The following CLCNKA variants were observed in gnomAD, a reference collection of about 807,000 sequenced individuals.
CLCNKA encodes the protein chloride channel protein ClC-Ka.
Under a neutral mutation model 83.3 loss-of-function variants are expected in CLCNKA, and 66 were observed. The observed-to-expected ratio is 0.79, with a 90% CI of 0.65 to 0.97. The LOEUF (loss-of-function observed/expected upper bound fraction) is 0.97. CLCNKA is among the 50% of genes least tolerant of loss of function. The pLI, the probability that CLCNKA is intolerant of heterozygous loss-of-function variation, is 0.00. For synonymous variants in CLCNKA, 357 were observed against 370.4 expected (o/e 0.96, Z 0.42); for missense variants, 806 against 888.7 (o/e 0.91, Z 1.18).
At chr1:16,026,341 C>G in intron 5 of CLCNKA, 94 bp downstream of exon 5, 1 of 1,532,252 alleles carries the variant, frequency 6.5e-7, no homozygotes. Flanking sequence ...TCAGAGCAGA[C>G]TCAGGCCAGT....
intron 18 of CLCNKA, among the ~76,000 whole-genome samples, chr1:16,032,807 T>C (rs2022685209): frequency 6.6e-6 from 1 of 152,242 alleles, no homozygotes; most frequent in African/African-American, 2.4e-5. Flanking sequence ...CGTTTCAATT[T>C]CAGGTCCACC....
At chr1:16,031,927 G>A (rs1449037415) in intron 16 of CLCNKA, 84 bp downstream of exon 16, 1 of 1,599,202 alleles carries the variant, frequency 6.3e-7, no homozygotes, top group Non-Finnish European at 8.5e-7. Context: ...GACAGGATCT[G>A]CATCCAGGCT....
intron 4 of CLCNKA, among the ~76,000 whole-genome samples, chr1:16,025,228 T>C (rs1001154650): frequency 2.6e-5 from 4 of 152,202 alleles, no homozygotes; most frequent in Admixed American, 2.0e-4. Context: ...CACTCAGTGG[T>C]GGCCTGAGGT....
Position 16,032,155 on chromosome 1 carries a change from C to T in CLCNKA, c.1757-48C>T. 3 of 1,556,306 alleles carry T rather than the reference C, an allele frequency of 1.9e-6. No homozygotes were observed. In the African/African-American group the frequency reaches 4.0e-5, roughly 21 times the overall value. ...TCTTCCGGAAGCTTGGCCCTCAGGC[C>T]TGTTTCTTCATAATGCACCTCCCTC... On this transcript the variant is annotated intron_variant, in intron 16 of 19. Coordinates refer to ENST00000331433, the MANE Select transcript of CLCNKA (RefSeq NM_004070.4).
In CLCNKA at chr1:16,033,208, C is replaced by A. The variant is rs756130179; in HGVS notation, c.1968C>A (p.Leu656=). The change falls in exon 19 of 20, where the codon CTC becomes CTA. Residue 656 remains leucine, a synonymous_variant. Transcript: ENST00000331433. The part of the protein sequence containing the change: ...NLFKLLNLQS[L]FVTSRGRAVG... ...TTAAGCTGTTGAACCTTCAGTCCCT[C>A]TTCGTGACATCGCGGGGCAGAGCTG... The A allele has an allele frequency of 1.2e-6, 2 of 1,614,066 alleles. No homozygotes were observed. Among genetic ancestry groups the A allele is most frequent in the South Asian group, 1.1e-5 (1 of 91,080 alleles).
At chr1:16,025,739 G>C (rs1205880400) in intron 4 of CLCNKA, among the ~76,000 whole-genome samples, 1 of 152,140 alleles carries the variant, frequency 6.6e-6, no homozygotes, top group Non-Finnish European at 1.5e-5. Flanking sequence ...AGAGTTATGA[G>C]AGTTTTTTTT....
chr1:16,027,484 G>C, intron 8 of CLCNKA, 49 bp downstream of exon 8: 1 of 1,608,494 alleles, frequency 6.2e-7, no homozygotes, highest in South Asian at 1.1e-5. Flanking sequence ...GGGCCGGGGC[G>C]AGGGAGACCT....
Position 16,031,770 on chromosome 1 carries a change from C to T in CLCNKA, c.1683C>T (p.Asp561=), listed in dbSNP as rs1159914771. 1.2e-6 allele frequency: 2 copies of T among 1,613,878 alleles called. No homozygotes were observed. The highest frequency in any genetic ancestry group is 1.7e-6 in the Non-Finnish European group (2 of 1,180,040). Reference sequence around the variant, plus strand: ...ACAGCATCACCACACTGGCCAAGGACACGCCGCTGGAGGAGGTGGTCAAGG... The same window carrying T: ...ACAGCATCACCACACTGGCCAAGGATACGCCGCTGGAGGAGGTGGTCAAGG... ...MNHSITTLAK[D]TPLEEVVKVV... is the part of the protein sequence containing the mutation. Residue 561 remains aspartate, a synonymous_variant, in exon 16 of 20, where the codon GAC becomes GAT. Transcript: ENST00000331433.
chr1:16,031,574 C>T (rs2022625598), intron 15 of CLCNKA, 136 bp from the exon 16 acceptor site: 1 of 1,298,726 alleles, frequency 7.7e-7, no homozygotes, highest in Non-Finnish European at 1.1e-6. Flanking sequence ...TCCCTCATTC[C>T]AGGAACCTCT....
chr1:16,031,341 G>T (rs1224109014), intron 15 of CLCNKA, among the ~76,000 whole-genome samples: 1 of 152,178 alleles, frequency 6.6e-6, no homozygotes, highest in Non-Finnish European at 1.5e-5. Context: ...AGGGAAGGCT[G>T]CTGGGTCTGT....
At position 16,028,011 on chromosome 1, in the gene CLCNKA, C is replaced by T. The variant is rs1557452073; in HGVS notation, c.867-7C>T. The stretch of plus-strand genomic sequence containing the variant: ...AGGCTCTGGTCTTACCTCCCTTCAC[C>T]CCGCAGTGGCATCTGCGGCGTCCTG... On this transcript the variant is annotated splice_polypyrimidine_tract_variant and splice_region_variant and intron_variant, in intron 9 of 19. Coordinates refer to ENST00000331433, the MANE Select transcript of CLCNKA (RefSeq NM_004070.4). 1 of 1,613,942 alleles carries T rather than the reference C, an allele frequency of 6.2e-7. No individual in the cohort carries two copies. The highest frequency in any genetic ancestry group is 8.5e-7 in the Non-Finnish European group (1 of 1,179,928).
intron 8 of CLCNKA, 61 bp from the exon 9 acceptor site, chr1:16,027,760 G>A: frequency 1.4e-6 from 2 of 1,459,340 alleles, no homozygotes; most frequent in Non-Finnish European, 1.9e-6. Context: ...TGTTAGTCTG[G>A]GACTTGAGTT....
At chr1:16,030,223 C>T (rs1178715407) in intron 14 of CLCNKA, 148 bp downstream of exon 14, 1 of 739,232 alleles carries the variant, frequency 1.4e-6, no homozygotes, top group Non-Finnish European at 2.2e-6. Context: ...CCCTCCTGAG[C>T]CCCACCATTC....
At chr1:16,023,706 G>T in intron 2 of CLCNKA, 94 bp from the exon 3 acceptor site, 2 of 1,497,104 alleles carry the variant, frequency 1.3e-6, no homozygotes, top group South Asian at 1.2e-5. Flanking sequence ...AACTACCAGG[G>T]TCCTCCCTGC....
intron 15 of CLCNKA, 62 bp from the exon 16 acceptor site, chr1:16,031,648 C>G (rs578179089): frequency 6.2e-7 from 1 of 1,612,190 alleles, no homozygotes; most frequent in East Asian, 2.2e-5. Flanking sequence ...CTCAGATCCC[C>G]TTGCTGGCCT....
chr1:16,026,311 C>A, intron 5 of CLCNKA, 64 bp downstream of exon 5: 1 of 1,590,848 alleles, frequency 6.3e-7, no homozygotes, highest in South Asian at 1.1e-5. Context: ...AGCTCTCCCC[C>A]ATACCCCACC....
At chr1:16,029,455 C>A in intron 12 of CLCNKA, 156 bp downstream of exon 12, 1 of 1,213,402 alleles carries the variant, frequency 8.2e-7, no homozygotes, top group Non-Finnish European at 1.2e-6. Flanking sequence ...GGATAAGTGG[C>A]TTCAGGTCTC....
chr1:16,033,688 C>T lies in CLCNKA; in HGVS notation c.*30C>T, dbSNP rs1488142261. ...GCCCAGCAAGATGAAACAGGGCACC[C>T]CAGCTGACCTGGTACTGAGGTTGGG... is the stretch of plus-strand genomic sequence containing the variant. On this transcript the variant is annotated 3_prime_UTR_variant, in exon 20 of 20. Coordinates refer to ENST00000331433, the MANE Select transcript of CLCNKA (RefSeq NM_004070.4). The T allele has an allele frequency of 5.0e-6, 8 of 1,609,998 alleles. No homozygotes were observed. The African/African-American group carries it at 9.5e-5, about 19-fold the overall frequency.
intron 3 of CLCNKA, 106 bp from the exon 4 acceptor site, chr1:16,024,657 C>T (rs1347083054): frequency 1.3e-6 from 2 of 1,494,092 alleles, no homozygotes; most frequent in Non-Finnish European, 1.8e-6. Flanking sequence ...GCCTGGTCCT[C>T]CCCTCTTCGT....
Sources: gnomAD v4.1 joint callset for allele counts (sites outside exome capture counted in the v4.1 genomes callset) on GRCh38, gnomAD v4.1.1 for gene constraint, MANE v1.5 for transcripts, NCBI Gene and HGNC (gene_info 2026-07-23, HGNC 2026-07-21) for gene names.